CCDC86: variants seen among roughly 807,000 people sequenced by gnomAD.
CCDC86 encodes coiled-coil domain containing 86, also known as coiled-coil domain-containing protein 86.
A neutral mutation model predicts 36.7 loss-of-function variants in CCDC86; 28 were observed. That is an observed-to-expected ratio of 0.76 (90% CI 0.57 to 1.05). CCDC86 has a LOEUF of 1.05. Ranked by LOEUF, CCDC86 falls within the 50% of genes least tolerant of loss-of-function variation. The pLI is 0.00. For synonymous variants in CCDC86, 199 were observed against 203.4 expected, an observed-to-expected ratio of 0.98 and a Z score of 0.18; for missense variants, 453 against 470.2, an observed-to-expected ratio of 0.96 and a Z score of 0.34.
chr11:60,848,389 C>T (rs1297353202), intron 2 of CCDC86, among the ~76,000 whole-genome samples: 3 of 151,876 alleles, frequency 2.0e-5, no homozygotes, highest in East Asian at 1.9e-4. Context: ...GAGATGGGGT[C>T]GAGGGCCCTT....
At chr11:60,843,089 T>G in intron 1 of CCDC86, 1 of 618,320 alleles carries the variant, frequency 1.6e-6, no homozygotes, top group African/African-American at 1.9e-5. Context: ...AAGATCAATT[T>G]CTCTGATGCC....
chr11:60,843,724 T>C (rs1317976807), intron 1 of CCDC86, among the ~76,000 whole-genome samples: 4 of 152,166 alleles, frequency 2.6e-5, no homozygotes, highest in African/African-American at 9.7e-5. Flanking sequence ...TGGGATTCAG[T>C]TCCAATTCGA....
At chr11:60,849,891 G>C (rs1457521969) in intron 2 of CCDC86, 49 bp from the exon 3 acceptor site, 1 of 1,518,614 alleles carries the variant, frequency 6.6e-7, no homozygotes, top group Admixed American at 1.8e-5. Flanking sequence ...TGAGAGACCA[G>C]GGCTGCCTCT....
rs1018123119 is a variant in CCDC86, at chr11:60,847,089, CTTTTTTT to C, written c.759-829_759-823del. On this transcript the variant is annotated intron_variant, in intron 1 of 3. Coordinates refer to ENST00000227520, the MANE Select transcript of CCDC86 (RefSeq NM_024098.4). ...AGATTCTTTTTCTTTTTTCTTTTTT[CTTTTTTT>C]TTTTTGAGACAGAGTCTTGCTCTGT... is the stretch of plus-strand genomic sequence containing the variant. Among the ~76,000 whole-genome samples the C allele has an allele frequency of 8.3e-4, 119 of 144,194 alleles. 3 individuals carry two copies. Among genetic ancestry groups the C allele is most frequent in the Admixed American group, 6.2e-3 (90 of 14,474 alleles). The allele number at this position is 144,194 out of a possible 152,430, so 94.6% of individuals were successfully genotyped here.
In CCDC86 at chr11:60,848,033, G is replaced by A; in HGVS notation, c.868G>A (p.Glu290Lys). 1 of 1,613,386 alleles carries A rather than the reference G, an allele frequency of 6.2e-7. No homozygotes were observed. The highest frequency in any genetic ancestry group is 8.5e-7 in the Non-Finnish European group (1 of 1,179,558). Residue 290 changes from glutamate to lysine, a missense_variant, in exon 2 of 4, where the codon GAG (glutamate) becomes AAG (lysine). Coordinates refer to ENST00000227520, the MANE Select transcript of CCDC86 (RefSeq NM_024098.4). The stretch of plus-strand genomic sequence containing the variant: ...GGACTTTGCCCGTCACCTGGAGGAG[G>A]AGAAGGAGAGGCGCCGCCAGGTGAG... ...AKDFARHLEEEKERRRQEKKQ... is the reference protein window; with the variant it reads ...AKDFARHLEEKKERRRQEKKQ...
intron 1 of CCDC86, among the ~76,000 whole-genome samples, chr11:60,847,202 G>T (rs76529064): frequency 0.012 from 1,781 of 151,892 alleles, 31 homozygotes; most frequent in African/African-American, 0.041. Flanking sequence ...TTGTACCTCA[G>T]CCTCCCAAGT....
At chr11:60,844,270 TC>T (rs1855157423) in intron 1 of CCDC86, among the ~76,000 whole-genome samples, 1 of 152,076 alleles carries the variant, frequency 6.6e-6, no homozygotes, top group South Asian at 2.1e-4. Context: ...AGGCCACAGA[TC>T]ACTTGACCAA....
At chr11:60,844,139 G>A (rs1299706660) in intron 1 of CCDC86, among the ~76,000 whole-genome samples, 1 of 152,138 alleles carries the variant, frequency 6.6e-6, no homozygotes, top group African/African-American at 2.4e-5. Context: ...TGGGGTCCTG[G>A]TACTCACGCT....
At chr11:60,844,386 G>A (rs1437983099) in intron 1 of CCDC86, among the ~76,000 whole-genome samples, 2 of 152,164 alleles carry the variant, frequency 1.3e-5, no homozygotes, top group East Asian at 1.9e-4. Flanking sequence ...TCCTTAATGA[G>A]GCCGGCAGGC....
At chr11:60,849,328 G>A (rs1855223978) in intron 2 of CCDC86, among the ~76,000 whole-genome samples, 1 of 152,232 alleles carries the variant, frequency 6.6e-6, no homozygotes, top group Admixed American at 6.5e-5. Flanking sequence ...GGTAGATACT[G>A]TGGTCACTGT....
Position 60,850,458 on chromosome 11 carries a change from C to A in CCDC86, c.*133C>A. ...CCAGAACAGGGACCCCCACCCCGAC[C>A]GGGGCTCCTCGGCCTTTGAAGGCTT... On this transcript the variant is annotated 3_prime_UTR_variant, in exon 4 of 4. Transcript: ENST00000227520. The A allele has an allele frequency of 1.6e-6, 2 of 1,216,530 alleles. No individual in the cohort carries two copies. Among genetic ancestry groups the A allele is most frequent in the South Asian group, 3.2e-5 (2 of 63,294 alleles). The allele number at this position is 1,216,530 out of a possible 1,614,324, so 75.4% of individuals were successfully genotyped here.
chr11:60,842,924 G>A (rs766360300), intron 1 of CCDC86, 42 bp downstream of exon 1: 6 of 1,528,142 alleles, frequency 3.9e-6, no homozygotes, highest in Non-Finnish European at 5.3e-6. Context: ...CGTTCTCTAT[G>A]GTGTTGGGAC....
Position 60,850,988 on chromosome 11 carries a change from AG to A in CCDC86, c.*665del, listed in dbSNP as rs1378539558. 6.6e-6 allele frequency: 1 copy of A among 152,274 alleles called. No individual in the cohort carries two copies. The highest frequency in any genetic ancestry group is 1.5e-5 in the Non-Finnish European group (1 of 68,070). 9.4% of individuals were successfully genotyped at this position (152,274 alleles called of 1,614,324 possible). A position where few individuals can be genotyped will look rare whatever the true frequency, so the allele number is the denominator to read the frequency against. ...GCCTGTTGCATACAGGCACAATCCT[AG>A]GCACCGGCAAATACAGACAATAGAC... On this transcript the variant is annotated 3_prime_UTR_variant, in exon 4 of 4. Coordinates refer to ENST00000227520, the MANE Select transcript of CCDC86 (RefSeq NM_024098.4).
chr11:60,842,277 G>C lies in CCDC86; in HGVS notation c.153G>C (p.Val51=), dbSNP rs556002684. 6.2e-7 allele frequency: 1 copy of C among 1,613,528 alleles called. No homozygotes were observed. Among genetic ancestry groups the C allele is most frequent in the East Asian group, 2.2e-5 (1 of 44,868 alleles). ...ETREPGSPPS[V]QRAGLGSPER... ...GGGAGCCCGGGTCTCCTCCGAGTGT[G>C]CAGCGGGCTGGCCTGGGGTCCCCCG... The change falls in exon 1 of 4, where the codon GTG becomes GTC. Residue 51 remains valine, a synonymous_variant. Coordinates refer to ENST00000227520, the MANE Select transcript of CCDC86 (RefSeq NM_024098.4).
chr11:60,847,885 C>A, intron 1 of CCDC86, 39 bp from the exon 2 acceptor site: 1 of 1,575,904 alleles, frequency 6.3e-7, no homozygotes, highest in Non-Finnish European at 8.7e-7. Flanking sequence ...GTGGCGCTTG[C>A]CCCACAGACC....
In CCDC86 at chr11:60,842,752, G is replaced by C; in HGVS notation, c.628G>C (p.Gly210Arg). The change falls in exon 1 of 4, where the codon GGG becomes CGG. Residue 210 changes from glycine (G) to arginine (R), a missense_variant. Gly to Arg is a moderately radical substitution (Grantham distance 125). Transcript: ENST00000227520. The part of the protein sequence containing the change: ...PAGETVTGGF[G>R]AKKRKGSSSQ... ...TGGGGAGACGGTGACAGGCGGCTTC[G>C]GGGCAAAGAAGCGAAAAGGTTCTTC... 1 of 1,613,376 alleles carries C rather than the reference G, an allele frequency of 6.2e-7. No individual in the cohort carries two copies. Among genetic ancestry groups the C allele is most frequent in the Non-Finnish European group, 8.5e-7 (1 of 1,179,510 alleles).
chr11:60,847,343 C>CTGCCCTCCAACTCCTGGACTCAT, intron 1 of CCDC86: 1 of 152,288 alleles, frequency 6.6e-6, no homozygotes, highest in East Asian at 1.9e-4. Context: ...CCTGGACTCA[C>CTGCCCTCCAACTCCTGGACTCAT]GTGGTCTGCC....
chr11:60,849,418 C>T (rs1382652101), intron 2 of CCDC86, among the ~76,000 whole-genome samples: 1 of 152,096 alleles, frequency 6.6e-6, no homozygotes, highest in Admixed American at 6.5e-5. Flanking sequence ...AGATTGAAAC[C>T]CAGCCCAGAT....
Position 60,842,213 on chromosome 11 carries a change from G to C in CCDC86, c.89G>C (p.Arg30Pro), listed in dbSNP as rs374012002. 1 of 1,613,314 alleles carries C rather than the reference G, an allele frequency of 6.2e-7. No homozygotes were observed. Among genetic ancestry groups the C allele is most frequent in the Non-Finnish European group, 8.5e-7 (1 of 1,179,874 alleles). Residue 30 changes from arginine (R) to proline (P), a missense_variant, in exon 1 of 4, where the codon CGG (arginine) becomes CCG (proline). Physicochemically the swap from Arg to Pro is moderately radical, Grantham distance 103. Transcript: ENST00000227520. Reference protein sequence around the residue: ...ESLTSVSRTRRALVEFESNPE... With the variant: ...ESLTSVSRTRPALVEFESNPE... ...CTCACCTCAGTTTCGCGGACGAGAC[G>C]GGCCCTTGTGGAGTTCGAGTCGAAC... is the stretch of plus-strand genomic sequence containing the variant.
Sources: gnomAD v4.1 joint callset for allele counts (sites outside exome capture counted in the v4.1 genomes callset) on GRCh38, gnomAD v4.1.1 for gene constraint, MANE v1.5 for transcripts, NCBI Gene and HGNC (gene_info 2026-07-23, HGNC 2026-07-21) for gene names.